MAST1: variants seen among roughly 807,000 people sequenced by gnomAD.
The protein encoded by MAST1 is microtubule-associated serine/threonine-protein kinase 1.
In MAST1, 40 loss-of-function variants were observed where a neutral mutation model predicts 124.6. That is an observed-to-expected ratio of 0.32 (90% CI 0.25 to 0.42). The LOEUF (loss-of-function observed/expected upper bound fraction) is 0.42, where lower values mean the gene tolerates loss of function less well. Ranked by LOEUF, MAST1 falls within the 10% of genes least tolerant of loss-of-function variation. MAST1 has a pLI of 1.00. For missense variants in MAST1, 1,558 were observed against 2,181.9 expected (o/e 0.71, Z 5.70); for synonymous variants, 938 against 939.4 (o/e 1.00, Z 0.03).
chr19:12,860,667 G>A lies in MAST1; in HGVS notation c.1366+1928G>A, dbSNP rs372691082. Among the ~76,000 whole-genome samples, 255 of 150,486 alleles carry A rather than the reference G, an allele frequency of 1.7e-3. No homozygotes were observed. In the Middle Eastern group the frequency reaches 0.018, roughly 11 times the overall value. ...TCACCATGTTGGCCAGGCTGGTCTC[G>A]AACTCCTGACCTCAGGTGATCCTCC... On this transcript the variant is annotated intron_variant, in intron 12 of 25. Coordinates refer to ENST00000251472, the MANE Select transcript of MAST1 (RefSeq NM_014975.3).
At position 12,843,463 on chromosome 19, in the gene MAST1, C is replaced by T. The variant is rs1341049069; in HGVS notation, c.249-66C>T. ...CCTGGCCCTGGCCAGTGGCTTCACC[C>T]ACACCCTGAGGAGTTGGGGGACCGC... On this transcript the variant is annotated intron_variant, in intron 3 of 25. Transcript: ENST00000251472. This position sits in a 1 kb window ranked among gnomAD's most constrained non-coding sequence, Gnocchi z 4.9. 1.5e-6 allele frequency: 2 copies of T among 1,340,042 alleles called. No homozygotes were observed. The highest frequency in any genetic ancestry group is 2.1e-6 in the Non-Finnish European group (2 of 941,550). 83.0% of individuals were successfully genotyped at this position (1,340,042 alleles called of 1,614,324 possible). A position where few individuals can be genotyped will look rare whatever the true frequency, so the allele number is the denominator to read the frequency against.
At position 12,847,526 on chromosome 19, in the gene MAST1, C is replaced by A; in HGVS notation, c.488+76C>A. 6.2e-7 allele frequency: 1 copy of A among 1,610,378 alleles called. No homozygotes were observed. Among genetic ancestry groups the A allele is most frequent in the Non-Finnish European group, 8.5e-7 (1 of 1,177,680 alleles). Reference sequence around the variant, plus strand: ...GTGCTTAGAGAGACCCCTGTCCCCGCGAATAAAAGGGTTACATCTTGGGGC... The same window carrying A: ...GTGCTTAGAGAGACCCCTGTCCCCGAGAATAAAAGGGTTACATCTTGGGGC... On this transcript the variant is annotated intron_variant, in intron 5 of 25. Transcript: ENST00000251472. This position sits in a 1 kb window ranked among gnomAD's most constrained non-coding sequence, Gnocchi z 5.5.
chr19:12,845,726 G>A (rs114670199), intron 4 of MAST1, among the ~76,000 whole-genome samples: 91 of 147,300 alleles, frequency 6.2e-4, no homozygotes, highest in Admixed American at 2.0e-3. Context: ...GCACCGTGCC[G>A]GCTCACTGCA....
rs1467374032 is a variant in MAST1 at position 12,852,180 on chromosome 19, C to T, written c.942C>T (p.His314=). The T allele has an allele frequency of 6.2e-7, 1 of 1,613,948 alleles. No individual in the cohort carries two copies. The highest frequency in any genetic ancestry group is 1.3e-5 in the African/African-American group (1 of 74,942). Residue 314 remains histidine (H), a synonymous_variant, in exon 9 of 26, where the codon CAC becomes CAT. Transcript: ENST00000251472. ...CCGAAGGACACGCCAAGGAGGGCCA[C>T]CTTGTGAAGACGGACATCCCCCGCT... The part of the protein sequence containing the change: ...EAAEGHAKEG[H]LVKTDIPRYI...
Position 12,843,307 on chromosome 19 carries a change from C to T in MAST1, c.249-222C>T, listed in dbSNP as rs11878955. Among the ~76,000 whole-genome samples the T allele has an allele frequency of 7.5e-3, 1,131 of 151,716 alleles. 15 individuals are homozygous for T. The highest frequency in any genetic ancestry group is 0.026 in the African/African-American group (1,066 of 41,360). ...CACTCTGAATGATAAGAGAGGGGAC[C>T]GTGGGGAGGAGAGTGGAGACGGATC... On this transcript the variant is annotated intron_variant, in intron 3 of 25. Transcript: ENST00000251472. This position sits in a 1 kb window ranked among gnomAD's most constrained non-coding sequence, Gnocchi z 4.9.
intron 22 of MAST1, among the ~76,000 whole-genome samples, chr19:12,870,170 G>T (rs1443029518): frequency 2.5e-5 from 2 of 79,296 alleles, no homozygotes; most frequent in African/African-American, 1.1e-4. Flanking sequence ...GACAGAGCAA[G>T]ACACCATCTC....
rs760560463 is a variant in MAST1 at position 12,860,263 on chromosome 19, C to T, written c.1366+1524C>T. On this transcript the variant is annotated intron_variant, in intron 12 of 25. Transcript: ENST00000251472. ...CTGAGTAGCTGGGATTACAGGTGCCCGCCACCATGCCCGACTAATTTTTTT... is the reference window on the plus strand; with the variant it reads ...CTGAGTAGCTGGGATTACAGGTGCCTGCCACCATGCCCGACTAATTTTTTT... 4.7e-5 allele frequency among the ~76,000 whole-genome samples: 7 copies of T among 148,990 alleles called. No individual in the cohort carries two copies. In the South Asian group the frequency reaches 1.3e-3, roughly 27 times the overall value.
At position 12,863,364 on chromosome 19, in the gene MAST1, G is replaced by C. The variant is rs188617955; in HGVS notation, c.1367-1445G>C. 3.9e-3 allele frequency among the ~76,000 whole-genome samples: 599 copies of C among 152,102 alleles called. 3 individuals are homozygous for C. The highest frequency in any genetic ancestry group is 4.8e-3 in the Non-Finnish European group (329 of 68,008). ...TGCACAATAGATGTGCTCAAATGCA[G>C]ATTCCTGGGCCCCACCCTCAGAGAG... On this transcript the variant is annotated intron_variant, in intron 12 of 25. Transcript: ENST00000251472.
rs1193905247 is a variant in MAST1 at position 12,874,410 on chromosome 19, A to G, written c.4253A>G (p.His1418Arg). Residue 1418 changes from histidine (H) to arginine (R), a missense_variant, in exon 26 of 26, where the codon CAC (histidine) becomes CGC (arginine). By Grantham distance (29) the His-to-Arg change is conservative. Coordinates refer to ENST00000251472, the MANE Select transcript of MAST1 (RefSeq NM_014975.3). This position sits in a 1 kb window ranked among gnomAD's most constrained non-coding sequence, Gnocchi z 6.6. ...AKAALSPVQE[H>R]ETGRRSSSGE... ...GCGGCGCTGAGCCCGGTGCAGGAAC[A>G]CGAGACAGGCCGGCGCAGCAGCTCT... 1 of 1,598,816 alleles carries G rather than the reference A, an allele frequency of 6.3e-7. No individual in the cohort carries two copies. Among genetic ancestry groups the G allele is most frequent in the East Asian group, 2.2e-5 (1 of 44,830 alleles).
intron 7 of MAST1, among the ~76,000 whole-genome samples, chr19:12,849,433 G>A (rs557926544): frequency 6.6e-6 from 1 of 152,254 alleles, no homozygotes; most frequent in East Asian, 1.9e-4. Context: ...GGAGGCTGAG[G>A]CGAGCAGATC....
Position 12,854,209 on chromosome 19 carries a change from C to T in MAST1, c.1077+1814C>T, listed in dbSNP as rs372967916. On this transcript the variant is annotated intron_variant, in intron 10 of 25. Coordinates refer to ENST00000251472, the MANE Select transcript of MAST1 (RefSeq NM_014975.3). Reference sequence around the variant, plus strand: ...CGTGATCTCGGCTCACTGCAACCTCCGCCTCCCAGGTTCAAGCAATTCTCC... The same window carrying T: ...CGTGATCTCGGCTCACTGCAACCTCTGCCTCCCAGGTTCAAGCAATTCTCC... Among the ~76,000 whole-genome samples the T allele has an allele frequency of 4.5e-3, 679 of 151,234 alleles. 8 individuals are homozygous for T. The highest frequency in any genetic ancestry group is 0.018 in the South Asian group (88 of 4,764).
intron 12 of MAST1, among the ~76,000 whole-genome samples, chr19:12,863,882 G>A (rs1398436728): frequency 2.6e-5 from 4 of 151,738 alleles, no homozygotes; most frequent in Admixed American, 1.3e-4. Flanking sequence ...AAGAGTTGGA[G>A]ACCAGCTTGG....
At chr19:12,857,273 G>C (rs998652262) in intron 10 of MAST1, among the ~76,000 whole-genome samples, 1 of 151,934 alleles carries the variant, frequency 6.6e-6, no homozygotes, top group Non-Finnish European at 1.5e-5. Flanking sequence ...AGTATAGATG[G>C]GGTTTCTCCA....
rs753595444 is a variant in MAST1 at position 12,874,225 on chromosome 19, G to C, written c.4068G>C (p.Ser1356=). 9 of 1,549,064 alleles carry C rather than the reference G, an allele frequency of 5.8e-6. No homozygotes were observed. Among genetic ancestry groups the C allele is most frequent in the African/African-American group, 2.7e-5 (2 of 73,344 alleles). The part of the protein sequence containing the change: ...LPEGASRPPV[S]SKEKESPGGA... ...AGGGTGCCTCCAGGCCACCAGTGTCGAGCAAGGAGAAGGAATCCCCGGGGG... is the reference window on the plus strand; with the variant it reads ...AGGGTGCCTCCAGGCCACCAGTGTCCAGCAAGGAGAAGGAATCCCCGGGGG... Residue 1356 remains serine (S), a synonymous_variant, in exon 26 of 26, where the codon TCG becomes TCC. Transcript: ENST00000251472. This position sits in a 1 kb window ranked among gnomAD's most constrained non-coding sequence, Gnocchi z 6.6.
rs773365620 is a variant in MAST1 at position 12,858,513 on chromosome 19, C to G, written c.1158-18C>G. Reference sequence around the variant, plus strand: ...TGTCTCGGAGGTGACGGCCGGTCCTCGCTCTCTCCCCCTGCAGCGCTGTCT... The same window carrying G: ...TGTCTCGGAGGTGACGGCCGGTCCTGGCTCTCTCCCCCTGCAGCGCTGTCT... On this transcript the variant is annotated intron_variant, in intron 11 of 25. Coordinates refer to ENST00000251472, the MANE Select transcript of MAST1 (RefSeq NM_014975.3). The G allele has an allele frequency of 4.3e-6, 7 of 1,612,918 alleles. No homozygotes were observed. The highest frequency in any genetic ancestry group is 5.9e-6 in the Non-Finnish European group (7 of 1,179,048).
rs36022150 is a variant in MAST1, at chr19:12,870,492, C to CAAA, written c.3004-314_3004-312dup. On this transcript the variant is annotated intron_variant, in intron 22 of 25. Transcript: ENST00000251472. ...GGTGACAGAGCGAGAGACTCCGTCT[C>CAAA]AAAAAAAAAAAAAAAAAAAATTAGC... 1.7e-3 allele frequency among the ~76,000 whole-genome samples: 126 copies of CAAA among 75,820 alleles called. 2 individuals carry two copies. The highest frequency in any genetic ancestry group is 5.0e-3 in the African/African-American group (111 of 21,982). The allele number at this position is 75,820 out of a possible 152,430, so 49.7% of individuals were successfully genotyped here. A position where few individuals can be genotyped will look rare whatever the true frequency, so the allele number is the denominator to read the frequency against.
chr19:12,867,842 C>A lies in MAST1; in HGVS notation c.2431C>A (p.Gln811Lys). 6.2e-7 allele frequency: 1 copy of A among 1,604,116 alleles called. No individual in the cohort carries two copies. Among genetic ancestry groups the A allele is most frequent in the East Asian group, 2.3e-5 (1 of 44,428 alleles). Residue 811 changes from glutamine (Q) to lysine (K), a missense_variant, in exon 20 of 26, where the codon CAA (glutamine) becomes AAA (lysine). Gln to Lys is a moderately conservative substitution (Grantham distance 53). Coordinates refer to ENST00000251472, the MANE Select transcript of MAST1 (RefSeq NM_014975.3). Reference protein sequence around the residue: ...LLEPSRFSAPQEDEDEARLRR... With the variant: ...LLEPSRFSAPKEDEDEARLRR... The stretch of plus-strand genomic sequence containing the variant: ...GGAGCCCAGCCGCTTCAGCGCCCCC[C>A]AAGAGGACGAGGATGAGGCCCGGCT...
At chr19:12,850,958 T>C (rs1208459063) in intron 7 of MAST1, among the ~76,000 whole-genome samples, 1 of 151,416 alleles carries the variant, frequency 6.6e-6, no homozygotes, top group Non-Finnish European at 1.5e-5. Context: ...TTTTCTTTTT[T>C]TTTTTTTTTG....
intron 12 of MAST1, among the ~76,000 whole-genome samples, chr19:12,859,380 T>C (rs946215447): frequency 2.6e-5 from 4 of 152,196 alleles, no homozygotes; most frequent in Admixed American, 1.3e-4. Flanking sequence ...GTGCCAGGCC[T>C]ATTTTATTTT....
Sources: allele counts gnomAD v4.1 joint callset (sites outside exome capture counted in the v4.1 genomes callset), GRCh38; gene constraint gnomAD v4.1.1; non-coding constraint Gnocchi (gnomAD v3.1); transcripts MANE v1.5; gene names NCBI Gene and HGNC (gene_info 2026-07-23, HGNC 2026-07-21).